The following TRAF3IP2 variants were observed in gnomAD, a reference collection of about 807,000 sequenced individuals.
The protein encoded by TRAF3IP2 is E3 ubiquitin ligase TRAF3IP2.
Under a neutral mutation model 57.9 loss-of-function variants are expected in TRAF3IP2, and 35 were observed. The ratio of observed to expected loss-of-function variants is 0.60; its 90% CI spans 0.46 to 0.80. TRAF3IP2 has a LOEUF of 0.80. TRAF3IP2 is among the 30% of genes least tolerant of loss of function. The pLI, the probability that TRAF3IP2 is intolerant of heterozygous loss-of-function variation, is 0.00. For missense variants in TRAF3IP2, 556 were observed against 706.4 expected, an observed-to-expected ratio of 0.79 and a Z score of 2.41; for synonymous variants, 251 against 268.9, an observed-to-expected ratio of 0.93 and a Z score of 0.65.
chr6:111,599,767 A>G (rs1259745492), intron 1 of TRAF3IP2: 4 of 152,210 alleles, frequency 2.6e-5, no homozygotes, highest in Admixed American at 1.3e-4. Context: ...GGTCCGTTAG[A>G]GTCCACCGTG....
Position 111,580,275 on chromosome 6 carries a change from A to G in TRAF3IP2, c.944T>C (p.Leu315Pro). The G allele has an allele frequency of 6.2e-7, 1 of 1,613,072 alleles. No homozygotes were observed. The highest frequency in any genetic ancestry group is 8.5e-7 in the Non-Finnish European group (1 of 1,179,106). Residue 315 changes from leucine (L) to proline (P), a missense_variant, in exon 3 of 9, where the codon CTG (leucine) becomes CCG (proline). Leu to Pro is a moderately conservative substitution (Grantham distance 98, BLOSUM62 -3). This residue lies in a region of TRAF3IP2 where 428 missense variants were observed against 498.7 expected (regional missense o/e 0.86). Coordinates refer to ENST00000368761, the MANE Select transcript of TRAF3IP2 (RefSeq NM_147686.4). ...GTGGTCCCAGGGGCTGGGATAATTC[A>G]GGATAACCTTCTGCACAGGGTGCAG... ...RGLHPVQKVI[L>P]NYPSPWDHEE...
chr6:111,558,811 A>G lies in TRAF3IP2; in HGVS notation c.*594T>C, dbSNP rs1159370077. 6.6e-6 allele frequency: 1 copy of G among 152,256 alleles called. No homozygotes were observed. The highest frequency in any genetic ancestry group is 1.5e-5 in the Non-Finnish European group (1 of 68,058). The allele number at this position is 152,256 out of a possible 1,614,324, so 9.4% of individuals were successfully genotyped here. The stretch of plus-strand genomic sequence containing the variant: ...TTGTTTAACTAGCTGGCTTTAATCC[A>G]TTAATACAGAGTGGTCTGTTATATT... On this transcript the variant is annotated 3_prime_UTR_variant, in exon 9 of 9. Transcript: ENST00000368761.
rs144337003 is a variant in TRAF3IP2, at chr6:111,567,760, A to C, written c.1291-68T>G. The C allele has an allele frequency of 8.8e-4, 1,144 of 1,296,616 alleles. 14 individuals are homozygous for C. The African/African-American group carries it at 0.015, about 18-fold the overall frequency. 80.3% of individuals were successfully genotyped at this position (1,296,616 alleles called of 1,614,324 possible). ...TCTCTCAAGATGCAGAGCAGAAGAA[A>C]ACACAATACTATATACATTTAAAGC... On this transcript the variant is annotated intron_variant, in intron 5 of 8. Coordinates refer to ENST00000368761, the MANE Select transcript of TRAF3IP2 (RefSeq NM_147686.4).
chr6:111,557,370 GAT>G lies in TRAF3IP2; in HGVS notation c.*2033_*2034del, dbSNP rs1795273011. 1 of 149,704 alleles carries G rather than the reference GAT, an allele frequency of 6.7e-6. No homozygotes were observed. The highest frequency in any genetic ancestry group is 1.5e-5 in the Non-Finnish European group (1 of 67,626). The allele number at this position is 149,704 out of a possible 1,614,324, so 9.3% of individuals were successfully genotyped here. A position where few individuals can be genotyped will look rare whatever the true frequency, so the allele number is the denominator to read the frequency against. On this transcript the variant is annotated 3_prime_UTR_variant, in exon 9 of 9. Transcript: ENST00000368761. ...CTTTTTCTGGAGACCAGGTAAACAA[GAT>G]ATATAGATACAGATAGATATCCAAA...
At chr6:111,586,919 T>C (rs1166418925) in intron 2 of TRAF3IP2, 1 of 152,194 alleles carries the variant, frequency 6.6e-6, no homozygotes, top group Non-Finnish European at 1.5e-5. Flanking sequence ...TAAAAGCTGT[T>C]AGTATTGAGG....
At chr6:111,592,424 T>C (rs1020012317) in intron 1 of TRAF3IP2, among the ~76,000 whole-genome samples, 3 of 152,220 alleles carry the variant, frequency 2.0e-5, no homozygotes, top group African/African-American at 7.2e-5. Flanking sequence ...GTGGGCTGCT[T>C]CGTGTGTGCT....
In TRAF3IP2 at chr6:111,591,543, G is replaced by C. The variant is rs1796515226; in HGVS notation, c.544C>G (p.Gln182Glu). 6.2e-7 allele frequency: 1 copy of C among 1,614,212 alleles called. No individual in the cohort carries two copies. Among genetic ancestry groups the C allele is most frequent in the East Asian group, 2.2e-5 (1 of 44,872 alleles). Residue 182 changes from glutamine (Q) to glutamate (E), a missense_variant, in exon 2 of 9, where the codon CAG (glutamine) becomes GAG (glutamate). By Grantham distance (29) the Gln-to-Glu change is conservative. This residue lies in a region of TRAF3IP2 where 428 missense variants were observed against 498.7 expected (regional missense o/e 0.86). Transcript: ENST00000368761. The surrounding 1 kb of genome is among the most constrained non-coding windows in gnomAD (Gnocchi z 4.9). ...GGSQEMVQRP[Q>E]PHRNRAGLDL... is the part of the protein sequence containing the mutation. ...AGGCCTGCTCGGTTCCTGTGAGGCT[G>C]GGGCCGTTGCACCATCTCCTGGCTA...
At chr6:111,574,459 T>C (rs185354593) in intron 4 of TRAF3IP2, among the ~76,000 whole-genome samples, 11 of 152,380 alleles carry the variant, frequency 7.2e-5, no homozygotes, top group Non-Finnish European at 1.3e-4. Context: ...TTTGGTGATA[T>C]TTCAACATTT....
intron 2 of TRAF3IP2, among the ~76,000 whole-genome samples, chr6:111,585,840 C>T (rs543265613): frequency 2.6e-5 from 4 of 152,246 alleles, no homozygotes; most frequent in East Asian, 3.9e-4. Context: ...CACAAATGGG[C>T]GCCCAGGACT....
intron 7 of TRAF3IP2, among the ~76,000 whole-genome samples, chr6:111,564,938 A>G (rs1297819052): frequency 3.3e-5 from 5 of 152,176 alleles, no homozygotes; most frequent in Non-Finnish European, 7.4e-5. Flanking sequence ...GCAGACATGC[A>G]TCAGACAACC....
At position 111,566,578 on chromosome 6, in the gene TRAF3IP2, A is replaced by G; in HGVS notation, c.1360-18T>C. ...ACGGTCTTCTGTTAATGAGAGGGAGAAAGGCATGTTTATGGAAGTGTACCA... is the reference window on the plus strand; with the variant it reads ...ACGGTCTTCTGTTAATGAGAGGGAGGAAGGCATGTTTATGGAAGTGTACCA... On this transcript the variant is annotated intron_variant, in intron 6 of 8. Coordinates refer to ENST00000368761, the MANE Select transcript of TRAF3IP2 (RefSeq NM_147686.4). 1 of 1,605,268 alleles carries G rather than the reference A, an allele frequency of 6.2e-7. No individual in the cohort carries two copies. The highest frequency in any genetic ancestry group is 2.2e-5 in the East Asian group (1 of 44,846).
intron 1 of TRAF3IP2, among the ~76,000 whole-genome samples, chr6:111,603,950 T>C (rs1562440748): frequency 6.6e-6 from 1 of 152,214 alleles, no homozygotes; most frequent in Admixed American, 6.5e-5. Context: ...CTTTAAGGAT[T>C]AGAGCGAGGC....
intron 2 of TRAF3IP2, among the ~76,000 whole-genome samples, chr6:111,584,221 T>C (rs921091621): frequency 1.7e-4 from 26 of 152,214 alleles, no homozygotes; most frequent in Admixed American, 1.6e-3. Flanking sequence ...CAACAAATCA[T>C]ATCATTAAAA....
intron 1 of TRAF3IP2, 40 bp from the exon 2 acceptor site, chr6:111,592,134 A>G: frequency 6.4e-7 from 1 of 1,553,098 alleles, no homozygotes; most frequent in Admixed American, 1.8e-5. Context: ...TAGAAGACAG[A>G]TAAATTCTTG....
At chr6:111,594,553 T>A (rs768913914) in intron 1 of TRAF3IP2, 1 of 448,670 alleles carries the variant, frequency 2.2e-6, no homozygotes, top group South Asian at 1.6e-5. Flanking sequence ...TTAAAAAAAG[T>A]GATGAGGGCA....
chr6:111,584,631 T>C (rs1796273321), intron 2 of TRAF3IP2, among the ~76,000 whole-genome samples: 1 of 146,108 alleles, frequency 6.8e-6, no homozygotes, highest in African/African-American at 2.6e-5. Context: ...ATCCCATCTC[T>C]ACAAAAAAAT....
At position 111,555,504 on chromosome 6, in the gene TRAF3IP2, A is replaced by C. The variant is rs778134982; in HGVS notation, c.*3901T>G. ...ACTTTGATTGTAGCCATGTACTGAG[A>C]CCTCTTTGAACAATCTAGAAGTTAA... On this transcript the variant is annotated 3_prime_UTR_variant, in exon 9 of 9. Coordinates refer to ENST00000368761, the MANE Select transcript of TRAF3IP2 (RefSeq NM_147686.4). Among the ~76,000 whole-genome samples the C allele has an allele frequency of 6.6e-6, 1 of 152,266 alleles. No homozygotes were observed. Among genetic ancestry groups the C allele is most frequent in the Admixed American group, 6.5e-5 (1 of 15,298 alleles).
intron 2 of TRAF3IP2, among the ~76,000 whole-genome samples, chr6:111,581,096 G>A (rs1796149630): frequency 6.6e-6 from 1 of 152,242 alleles, no homozygotes; most frequent in South Asian, 2.1e-4. Flanking sequence ...GTGGGTCCCA[G>A]CCAGGACCAG....
intron 5 of TRAF3IP2, among the ~76,000 whole-genome samples, chr6:111,569,286 T>C (rs149816801): frequency 0.012 from 1,843 of 152,334 alleles, 41 homozygotes; most frequent in African/African-American, 0.042. Flanking sequence ...GTCTTGGCTT[T>C]GCCACTTCCC....
Sources: allele counts gnomAD v4.1 joint callset (sites outside exome capture counted in the v4.1 genomes callset), GRCh38; gene constraint gnomAD v4.1.1; regional missense constraint gnomAD v4.1.1; non-coding constraint Gnocchi (gnomAD v3.1); transcripts MANE v1.5; gene names NCBI Gene and HGNC (gene_info 2026-07-23, HGNC 2026-07-21).